SIPA1L1: variants seen among roughly 807,000 people sequenced by gnomAD.
The protein encoded by SIPA1L1 is signal-induced proliferation-associated 1-like protein 1.
A neutral mutation model predicts 162.7 loss-of-function variants in SIPA1L1; 26 were observed. The observed-to-expected ratio is 0.16, with a 90% confidence interval of 0.12 to 0.22. The LOEUF (loss-of-function observed/expected upper bound fraction) is 0.22, where lower values mean the gene tolerates loss of function less well. Ranked by LOEUF, SIPA1L1 falls within the 10% of genes least tolerant of loss-of-function variation. The pLI, the probability that SIPA1L1 is intolerant of heterozygous loss-of-function variation, is 1.00. For synonymous variants in SIPA1L1, 829 were observed against 837.4 expected (o/e 0.99, Z 0.17); for missense variants, 1,874 against 2,241.0 (o/e 0.84, Z 3.31).
At chr14:71,612,536 C>A (rs1384525942) in intron 5 of SIPA1L1, among the ~76,000 whole-genome samples, 1 of 152,106 alleles carries the variant, frequency 6.6e-6, no homozygotes, top group Non-Finnish European at 1.5e-5. Context: ...TTTTACTGTT[C>A]ATAATTACAT....
intron 16 of SIPA1L1, 31 bp from the exon 17 acceptor site, chr14:71,709,191 T>G: frequency 6.4e-7 from 1 of 1,560,284 alleles, no homozygotes; most frequent in South Asian, 1.2e-5. Context: ...AGCAAAACTT[T>G]GCACTCAAAT....
intron 2 of SIPA1L1, among the ~76,000 whole-genome samples, chr14:71,366,791 T>C (rs1224377315): frequency 6.6e-6 from 1 of 152,224 alleles, no homozygotes; most frequent in African/African-American, 2.4e-5. Flanking sequence ...AGGACACTAC[T>C]GTAATTTCTA....
At chr14:71,707,977 T>C (rs2082577805) in intron 16 of SIPA1L1, among the ~76,000 whole-genome samples, 1 of 151,254 alleles carries the variant, frequency 6.6e-6, no homozygotes, top group Admixed American at 6.6e-5. Context: ...TGGTATTGAA[T>C]ATCTTTTGAT....
intron 14 of SIPA1L1, among the ~76,000 whole-genome samples, chr14:71,699,518 C>T (rs184719726): frequency 4.4e-4 from 67 of 152,260 alleles, no homozygotes; most frequent in East Asian, 3.9e-4. Flanking sequence ...AGACATAGGG[C>T]GTGTTCTACC....
chr14:71,591,366 CAG>C (rs2035373773), intron 5 of SIPA1L1, among the ~76,000 whole-genome samples: 1 of 152,096 alleles, frequency 6.6e-6, no homozygotes. Context: ...GCTGTCTGAA[CAG>C]AGTCATGTTC....
intron 16 of SIPA1L1, among the ~76,000 whole-genome samples, chr14:71,708,025 TTTTG>T (rs2082592427): frequency 7.9e-6 from 1 of 126,324 alleles, no homozygotes; most frequent in Non-Finnish European, 1.6e-5. Context: ...GTTTTTTTTT[TTTTG>T]TTTTTTTTTT....
chr14:71,573,344 T>C, intron 4 of SIPA1L1: 1 of 323,844 alleles, frequency 3.1e-6, no homozygotes, highest in South Asian at 2.5e-5. Context: ...TTGACATTTA[T>C]GATTAAGCCT....
At position 71,619,404 on chromosome 14, in the gene SIPA1L1, C is replaced by T. The variant is rs912910288; in HGVS notation, c.1629+517C>T. 7.2e-5 allele frequency among the ~76,000 whole-genome samples: 11 copies of T among 152,046 alleles called. 1 individual carries two copies. Among genetic ancestry groups the T allele is most frequent in the Admixed American group, 6.5e-4 (10 of 15,274 alleles). Reference sequence around the variant, plus strand: ...GACCTAGAAGGTACATTCTTTGAACCAGGGGCTATCTAATTGTAAGTGAAA... The same window carrying T: ...GACCTAGAAGGTACATTCTTTGAACTAGGGGCTATCTAATTGTAAGTGAAA... On this transcript the variant is annotated intron_variant, in intron 6 of 23. Coordinates refer to ENST00000381232, the MANE Select transcript of SIPA1L1 (RefSeq NM_001386936.1).
intron 2 of SIPA1L1, among the ~76,000 whole-genome samples, chr14:71,371,587 A>T (rs1463451111): frequency 6.6e-6 from 1 of 151,936 alleles, no homozygotes; most frequent in South Asian, 2.1e-4. Flanking sequence ...TTTGGTTGGG[A>T]CAGGGTTTCA....
At chr14:71,598,538 T>C (rs1201479758) in intron 5 of SIPA1L1, among the ~76,000 whole-genome samples, 3 of 152,078 alleles carry the variant, frequency 2.0e-5, no homozygotes, top group Admixed American at 6.6e-5. Flanking sequence ...CAAACCCAAA[T>C]TGAGAGATAA....
chr14:71,622,003 C>T (rs771270569), intron 6 of SIPA1L1, among the ~76,000 whole-genome samples: 6 of 152,158 alleles, frequency 3.9e-5, no homozygotes, highest in Admixed American at 6.6e-5. Context: ...CTGTCTGTAG[C>T]TCCTGCACTT....
At position 71,327,280 on chromosome 14, in the gene SIPA1L1, C is replaced by T. The variant is rs574879730; in HGVS notation, c.-465+6099C>T. ...TGTATTTTTAGTAGAGATGGGGTTT[C>T]ACCATATTGGCCAGGCTGGTCTTGA... On this transcript the variant is annotated intron_variant, in intron 2 of 23. Transcript: ENST00000381232. 2.6e-5 allele frequency among the ~76,000 whole-genome samples: 4 copies of T among 151,996 alleles called. No individual in the cohort carries two copies. The South Asian group carries it at 8.3e-4, about 32-fold the overall frequency.
Position 71,373,657 on chromosome 14 carries a change from C to CA in SIPA1L1, c.-465+52493dup, listed in dbSNP as rs34113031. 2.8e-3 allele frequency among the ~76,000 whole-genome samples: 231 copies of CA among 83,494 alleles called. 1 individual carries two copies. Among genetic ancestry groups the CA allele is most frequent in the East Asian group, 0.01 (40 of 3,810 alleles). 54.8% of individuals were successfully genotyped at this position (83,494 alleles called of 152,430 possible). On this transcript the variant is annotated intron_variant, in intron 2 of 23. Transcript: ENST00000381232. ...GGGTGACAGAGTGAGACTCTGTCTCCAAAAAAAAAAAAAAAAAGTTACCAG... is the reference window on the plus strand; with the variant it reads ...GGGTGACAGAGTGAGACTCTGTCTCCAAAAAAAAAAAAAAAAAAGTTACCAG...
At chr14:71,595,147 T>C (rs1230318451) in intron 5 of SIPA1L1, among the ~76,000 whole-genome samples, 1 of 152,212 alleles carries the variant, frequency 6.6e-6, no homozygotes, top group Non-Finnish European at 1.5e-5. Flanking sequence ...ATGTGTTTTA[T>C]TTTAAAATCA....
chr14:71,496,372 T>G (rs1567106614), intron 2 of SIPA1L1, among the ~76,000 whole-genome samples: 1 of 152,090 alleles, frequency 6.6e-6, no homozygotes, highest in Non-Finnish European at 1.5e-5. Context: ...TTTTTTTTTC[T>G]TTGACCCATG....
At chr14:71,357,376 T>C (rs1230107259) in intron 2 of SIPA1L1, among the ~76,000 whole-genome samples, 1 of 152,208 alleles carries the variant, frequency 6.6e-6, no homozygotes, top group Admixed American at 6.5e-5. Flanking sequence ...AGTGATTTGC[T>C]CAAGACTGTA....
At chr14:71,626,674 C>T (rs754014028) in intron 7 of SIPA1L1, among the ~76,000 whole-genome samples, 2 of 152,030 alleles carry the variant, frequency 1.3e-5, no homozygotes, top group African/African-American at 4.8e-5. Flanking sequence ...CTTTGTGTGT[C>T]GTTATATTTA....
intron 2 of SIPA1L1, among the ~76,000 whole-genome samples, chr14:71,388,816 C>T (rs1055916435): frequency 6.6e-6 from 1 of 152,184 alleles, no homozygotes; most frequent in African/African-American, 2.4e-5. Context: ...AAAACCCTCC[C>T]TAGTGCTACC....
intron 2 of SIPA1L1, among the ~76,000 whole-genome samples, chr14:71,442,552 C>CT (rs796500022): frequency 2.0e-5 from 3 of 152,132 alleles, no homozygotes; most frequent in East Asian, 3.9e-4. Context: ...TTGTGTTGTA[C>CT]TTTTTTTCTT....
Sources: gnomAD v4.1 joint callset for allele counts (sites outside exome capture counted in the v4.1 genomes callset) on GRCh38, gnomAD v4.1.1 for gene constraint, MANE v1.5 for transcripts, NCBI Gene and HGNC (gene_info 2026-07-23, HGNC 2026-07-21) for gene names.